DLC1: variants seen among roughly 807,000 people sequenced by gnomAD.
DLC1 encodes the protein rho GTPase-activating protein 7.
DLC1 carries 54 observed loss-of-function variants against 140.3 expected under a neutral mutation model. The observed-to-expected ratio is 0.38, with a 90% confidence interval of 0.31 to 0.48. DLC1 has a LOEUF of 0.48. Among genes scored for constraint, DLC1 ranks in the 20% least tolerant of loss-of-function variants. The probability of loss-of-function intolerance (pLI) is 0.96; values close to 1 mark genes in which losing one functional copy is unlikely to be tolerated. For missense variants in DLC1, 2,536 were observed against 1,907.0 expected (o/e 1.33, Z -6.14); for synonymous variants, 986 against 728.1 (o/e 1.35, Z -5.70).
At chr8:13,331,443 T>C (rs1254327371) in intron 4 of DLC1, among the ~76,000 whole-genome samples, 2 of 152,090 alleles carry the variant, frequency 1.3e-5, no homozygotes, top group Non-Finnish European at 2.9e-5. Context: ...GAAGATTGAG[T>C]AAAGAACTTC....
intron 4 of DLC1, among the ~76,000 whole-genome samples, chr8:13,373,812 T>G (rs1194143480): frequency 6.6e-6 from 1 of 152,176 alleles, no homozygotes; most frequent in Admixed American, 6.5e-5. Context: ...AATTAAAATG[T>G]AAATATTTTA....
At chr8:13,311,564 C>T (rs1832665642) in intron 4 of DLC1, among the ~76,000 whole-genome samples, 1 of 152,196 alleles carries the variant, frequency 6.6e-6, no homozygotes, top group African/African-American at 2.4e-5. Context: ...AAAAAGGACA[C>T]ATCTTATTTA....
At chr8:13,523,556 A>G (rs1203988365) in intron 1 of DLC1, among the ~76,000 whole-genome samples, 2 of 152,206 alleles carry the variant, frequency 1.3e-5, no homozygotes, top group Admixed American at 6.5e-5. Context: ...TCTCAAACGT[A>G]TTTGCAATTT....
chr8:13,324,318 C>T (rs890135918), intron 4 of DLC1, among the ~76,000 whole-genome samples: 1 of 152,180 alleles, frequency 6.6e-6, no homozygotes, highest in Non-Finnish European at 1.5e-5. Context: ...CCTCTAATCC[C>T]AGCACTTTGG....
intron 3 of DLC1, among the ~76,000 whole-genome samples, chr8:13,397,110 G>A (rs1342648726): frequency 6.6e-6 from 1 of 152,110 alleles, no homozygotes; most frequent in Non-Finnish European, 1.5e-5. Context: ...TGTGCTAGAA[G>A]TGCTTATACC....
In DLC1 at chr8:13,084,939, C is replaced by G. The variant is rs182850643; in HGVS notation, c.*872G>C. On this transcript the variant is annotated 3_prime_UTR_variant, in exon 18 of 18. Coordinates refer to ENST00000276297, the MANE Select transcript of DLC1 (RefSeq NM_182643.3). ...GTTATCGTGTTCAGTTTTTATATCT[C>G]GACTTAAACAAAAAACAAAACAAAA... 6.6e-6 allele frequency: 1 copy of G among 152,116 alleles called. No homozygotes were observed. Among genetic ancestry groups the G allele is most frequent in the Non-Finnish European group, 1.5e-5 (1 of 68,052 alleles). 9.4% of individuals were successfully genotyped at this position (152,116 alleles called of 1,614,324 possible). A position where few individuals can be genotyped will look rare whatever the true frequency, so the allele number is the denominator to read the frequency against.
chr8:13,316,173 C>T lies in DLC1; in HGVS notation c.1315-10871G>A, dbSNP rs559384112. Among the ~76,000 whole-genome samples the T allele has an allele frequency of 4.1e-4, 63 of 152,270 alleles. 1 individual carries two copies. The South Asian group carries it at 0.011, about 26-fold the overall frequency. ...TTCTGCTGGTGATGGAAGTGTCCAA[C>T]GATGCCTCCCTACCAGCCACTTGAT... On this transcript the variant is annotated intron_variant, in intron 4 of 17. Coordinates refer to ENST00000276297, the MANE Select transcript of DLC1 (RefSeq NM_182643.3).
At chr8:13,413,517 C>A (rs138999795) in intron 2 of DLC1, among the ~76,000 whole-genome samples, 2 of 149,102 alleles carry the variant, frequency 1.3e-5, no homozygotes, top group African/African-American at 5.0e-5. Context: ...TATATATACA[C>A]GTATATGCAC....
At chr8:13,531,644 T>C (rs78559051) in intron 1 of DLC1, among the ~76,000 whole-genome samples, 4,498 of 152,176 alleles carry the variant, frequency 0.03, 214 homozygotes, top group East Asian at 0.18. Context: ...ATAATAGTAA[T>C]AACATTAATA....
intron 2 of DLC1, among the ~76,000 whole-genome samples, chr8:13,464,174 T>C (rs757347820): frequency 6.6e-6 from 1 of 152,174 alleles, no homozygotes; most frequent in Non-Finnish European, 1.5e-5. Context: ...TTTAGGCAGA[T>C]GGATCTTTGT....
At chr8:13,592,212 T>A (rs934927566) in intron 1 of DLC1, among the ~76,000 whole-genome samples, 2 of 152,094 alleles carry the variant, frequency 1.3e-5, no homozygotes, top group Non-Finnish European at 2.9e-5. Flanking sequence ...TTAGAATGTC[T>A]TCTAGAAATT....
intron 5 of DLC1, among the ~76,000 whole-genome samples, chr8:13,295,942 G>GTTTTTTTTTTTTTTTTTTTTTTTT (rs71207138): frequency 1.4e-5 from 1 of 72,874 alleles, no homozygotes; most frequent in African/African-American, 5.6e-5. Context: ...AAGATTCTTT[G>GTTTTTTTTTTTTTTTTTTTTTTTT]TTTTTTTTTT....
At chr8:13,156,940 G>A (rs1050162729) in intron 5 of DLC1, among the ~76,000 whole-genome samples, 1 of 152,024 alleles carries the variant, frequency 6.6e-6, no homozygotes, top group Non-Finnish European at 1.5e-5. Context: ...TTTTTTCCGA[G>A]TATGAAGGTT....
intron 5 of DLC1, among the ~76,000 whole-genome samples, chr8:13,216,249 G>T (rs887921617): frequency 6.6e-6 from 1 of 152,188 alleles, no homozygotes; most frequent in Admixed American, 6.5e-5. Flanking sequence ...GGTCTCATTT[G>T]ATACTCAAAA....
At chr8:13,102,463 T>C (rs1210840851) in intron 8 of DLC1, among the ~76,000 whole-genome samples, 1 of 152,236 alleles carries the variant, frequency 6.6e-6, no homozygotes, top group Non-Finnish European at 1.5e-5. Flanking sequence ...CCTCAGTTTA[T>C]TTCCTCTATG....
At chr8:13,380,717 T>C (rs1216497899) in intron 4 of DLC1, among the ~76,000 whole-genome samples, 1 of 152,218 alleles carries the variant, frequency 6.6e-6, no homozygotes, top group Non-Finnish European at 1.5e-5. Flanking sequence ...TGTGATCGGA[T>C]GTTAAAATTA....
chr8:13,567,289 C>G (rs767181685), intron 1 of DLC1: 2 of 1,551,694 alleles, frequency 1.3e-6, no homozygotes, highest in Non-Finnish European at 1.7e-6. Flanking sequence ...TAACTTTGAA[C>G]GGCACCAACC....
chr8:13,335,309 G>A (rs1424360784), intron 4 of DLC1, among the ~76,000 whole-genome samples: 2 of 152,154 alleles, frequency 1.3e-5, no homozygotes, highest in African/African-American at 4.8e-5. Context: ...CTTGACTAAA[G>A]TACAGTAGAG....
At position 13,572,241 on chromosome 8, in the gene DLC1, C is replaced by A. The variant is rs1009302718; in HGVS notation, c.-126+32296G>T. On this transcript the variant is annotated intron_variant, in intron 1 of 1. Coordinates refer to the DLC1 transcript ENST00000631382. ...AGCAGCTGGGACTACAGGTGCCTGC[C>A]ACCACGCCCAGCTAATTTTTTGTAT... Among the ~76,000 whole-genome samples, 3 of 151,940 alleles carry A rather than the reference C, an allele frequency of 2.0e-5. 1 individual carries two copies. Among genetic ancestry groups the A allele is most frequent in the Admixed American group, 6.6e-5 (1 of 15,266 alleles).
Sources: gnomAD v4.1 joint callset for allele counts (sites outside exome capture counted in the v4.1 genomes callset) on GRCh38, gnomAD v4.1.1 for gene constraint, MANE v1.5 for transcripts, NCBI Gene and HGNC (gene_info 2026-07-23, HGNC 2026-07-21) for gene names.